Variants in SLC2A14 observed in about 807,000 individuals in gnomAD.
SLC2A14 encodes solute carrier family 2 member 14, also known as solute carrier family 2, facilitated glucose transporter member 14.
SLC2A14 carries 13 observed loss-of-function variants against 43.0 expected under a neutral mutation model. The observed-to-expected ratio is 0.30, with a 90% confidence interval of 0.20 to 0.48. The LOEUF is 0.48. Ranked by LOEUF, SLC2A14 falls within the 20% of genes least tolerant of loss-of-function variation. The pLI, the probability that SLC2A14 is intolerant of heterozygous loss-of-function variation, is 0.99. For missense variants in SLC2A14, 428 were observed against 620.4 expected, an observed-to-expected ratio of 0.69 and a Z score of 3.29; for synonymous variants, 190 against 233.8, an observed-to-expected ratio of 0.81 and a Z score of 1.71.
intron 2 of SLC2A14, among the ~76,000 whole-genome samples, chr12:7,852,467 T>C (rs1053779300): frequency 1.3e-5 from 2 of 152,146 alleles, no homozygotes; most frequent in Non-Finnish European, 1.5e-5. Context: ...TAGTTGGAAG[T>C]AGAATTATTT....
intron 1 of SLC2A14, chr12:7,871,892 TGGGA>T: frequency 1.0e-6 from 1 of 984,646 alleles, no homozygotes; most frequent in Non-Finnish European, 1.2e-6. Flanking sequence ...CCACCCATCG[TGGGA>T]GTGTGCTCAA....
intron 2 of SLC2A14, among the ~76,000 whole-genome samples, chr12:7,863,815 CTTTTTTTCTTTTTTTTTTT>C (rs1180646747): frequency 4.4e-5 from 4 of 91,012 alleles, no homozygotes. Flanking sequence ...CCTTTTTTTT[CTTTTTTTCTTTTTTTTTTT>C]TGAGACGGAG....
intron 2 of SLC2A14, among the ~76,000 whole-genome samples, chr12:7,868,844 C>T (rs908291032): frequency 1.3e-5 from 2 of 151,864 alleles, no homozygotes; most frequent in Non-Finnish European, 2.9e-5. Context: ...CCTGTCTCTA[C>T]AAAAATACAA....
intron 2 of SLC2A14, among the ~76,000 whole-genome samples, chr12:7,836,651 T>A (rs1335575900): frequency 2.7e-5 from 4 of 150,328 alleles, no homozygotes; most frequent in Admixed American, 6.6e-5. Flanking sequence ...CTGGCCAATA[T>A]CACCAATCCC....
At chr12:7,815,922 T>TG (rs1387046884) in intron 10 of SLC2A14, among the ~76,000 whole-genome samples, 3 of 147,822 alleles carry the variant, frequency 2.0e-5, no homozygotes, top group Non-Finnish European at 1.5e-5. Flanking sequence ...GTTTTTGAGA[T>TG]GGAGTTTTGC....
At chr12:7,878,329 G>A (rs759581663), upstream of SLC2A14, among the ~76,000 whole-genome samples, 2 of 152,098 alleles carry the variant, frequency 1.3e-5, no homozygotes, top group African/African-American at 2.4e-5. Context: ...GAGATCACAG[G>A]TGTCAGTCAC....
chr12:7,852,093 T>C (rs1432243555), intron 2 of SLC2A14, among the ~76,000 whole-genome samples: 1 of 152,140 alleles, frequency 6.6e-6, no homozygotes. Context: ...TAGTTTAAGT[T>C]GTATTGTATT....
At position 7,838,232 on chromosome 12, in the gene SLC2A14, C is replaced by T. The variant is rs142116269; in HGVS notation, c.19-5418G>A. On this transcript the variant is annotated intron_variant, in intron 2 of 10. Transcript: ENST00000431042. ...CCTCCAGAGTAGCTGGGACTACAGG[C>T]GCCTGCCACCATGCCTGGTTAATTT... 7.6e-3 allele frequency among the ~76,000 whole-genome samples: 1,160 copies of T among 151,918 alleles called. 13 individuals are homozygous for T. The highest frequency in any genetic ancestry group is 0.027 in the African/African-American group (1,102 of 41,416).
At chr12:7,828,008 G>A (rs182243303) in intron 6 of SLC2A14, among the ~76,000 whole-genome samples, 7 of 151,796 alleles carry the variant, frequency 4.6e-5, no homozygotes, top group Admixed American at 1.3e-4. Context: ...TTTGTCTATC[G>A]AGTAGCCATT....
chr12:7,838,706 A>T (rs1261759319), intron 2 of SLC2A14, among the ~76,000 whole-genome samples: 1 of 152,206 alleles, frequency 6.6e-6, no homozygotes, highest in Non-Finnish European at 1.5e-5. Flanking sequence ...GATAGAGATA[A>T]ATGTATTTTG....
chr12:7,882,046 G>A (rs989919378), intron 1 of SLC2A14, among the ~76,000 whole-genome samples: 4 of 152,168 alleles, frequency 2.6e-5, no homozygotes, highest in South Asian at 4.1e-4. Context: ...CAGGCTGCCC[G>A]GGCCAGCAGT....
intron 1 of SLC2A14, among the ~76,000 whole-genome samples, chr12:7,890,306 A>C (rs1295652216): frequency 6.6e-6 from 1 of 152,026 alleles, no homozygotes; most frequent in South Asian, 2.1e-4. Flanking sequence ...GCTAAACAAC[A>C]GTATTGGAAC....
intron 1 of SLC2A14, among the ~76,000 whole-genome samples, chr12:7,883,221 CAAAACCAAA>C (rs1945618850): frequency 6.6e-6 from 1 of 151,340 alleles, no homozygotes; most frequent in Non-Finnish European, 1.5e-5. Flanking sequence ...AAAAACAATC[CAAAACCAAA>C]CAAAACCACA....
At chr12:7,838,502 A>G (rs145561654) in intron 2 of SLC2A14, among the ~76,000 whole-genome samples, 17 of 152,250 alleles carry the variant, frequency 1.1e-4, no homozygotes, top group African/African-American at 4.1e-4. Flanking sequence ...GGGAATGTCT[A>G]GCCTATGCCT....
intron 2 of SLC2A14, among the ~76,000 whole-genome samples, chr12:7,836,223 CTT>C (rs71038784): frequency 2.7e-5 from 4 of 148,352 alleles, no homozygotes; most frequent in Non-Finnish European, 6.0e-5. Context: ...ACAGATATAA[CTT>C]TTTTTTTTTT....
chr12:7,878,141 C>G (rs147830294), upstream of SLC2A14, among the ~76,000 whole-genome samples: 84 of 152,286 alleles, frequency 5.5e-4, 1 homozygote, highest in East Asian at 0.015. Context: ...ACCTCTGCCT[C>G]CTGGGTTCAA....
chr12:7,832,656 T>C (rs1285905568), intron 3 of SLC2A14, 66 bp downstream of exon 3: 1 of 1,575,658 alleles, frequency 6.3e-7, no homozygotes, highest in African/African-American at 1.4e-5. Context: ...TTCTGAATTC[T>C]TGAAACCCTA....
At chr12:7,842,010 GAA>G (rs79332504) in intron 2 of SLC2A14, among the ~76,000 whole-genome samples, 3 of 123,420 alleles carry the variant, frequency 2.4e-5, no homozygotes, top group African/African-American at 3.0e-5. Context: ...TGTCTCAAAA[GAA>G]AAAAAAAAAA....
At chr12:7,830,054 C>T in intron 4 of SLC2A14, 48 bp from the exon 5 acceptor site, 3 of 1,609,648 alleles carry the variant, frequency 1.9e-6, no homozygotes, top group Non-Finnish European at 2.5e-6. Flanking sequence ...GTGAGAGGCT[C>T]CTAACTTCTC....
Sources: allele counts gnomAD v4.1 joint callset (sites outside exome capture counted in the v4.1 genomes callset), GRCh38; gene constraint gnomAD v4.1.1; transcripts MANE v1.5; gene names NCBI Gene and HGNC (gene_info 2026-07-23, HGNC 2026-07-21).